Variants in WIF1 observed in about 807,000 individuals in gnomAD.
WIF1 encodes the protein Wnt inhibitory factor 1.
In WIF1, 35 loss-of-function variants were observed where a neutral mutation model predicts 53.5. That is an observed-to-expected ratio of 0.65 (90% CI 0.50 to 0.87). The LOEUF (loss-of-function observed/expected upper bound fraction) is 0.87. Among genes scored for constraint, WIF1 ranks in the 40% least tolerant of loss-of-function variants. WIF1 has a pLI of 0.00. For missense variants in WIF1, 467 were observed against 476.8 expected, an observed-to-expected ratio of 0.98 and a Z score of 0.19; for synonymous variants, 171 against 170.4, an observed-to-expected ratio of 1.00 and a Z score of -0.03.
intron 4 of WIF1, 119 bp from the exon 5 acceptor site, chr12:65,067,909 A>G (rs1882712654): frequency 1.3e-6 from 1 of 765,898 alleles, no homozygotes; most frequent in Non-Finnish European, 2.1e-6. Context: ...ATCATAATTG[A>G]TCAAATACCA....
At chr12:65,072,233 T>C (rs1434088480) in intron 3 of WIF1, among the ~76,000 whole-genome samples, 1 of 152,174 alleles carries the variant, frequency 6.6e-6, no homozygotes, top group Non-Finnish European at 1.5e-5. Flanking sequence ...CACAATTTCC[T>C]TACTGCACAC....
At chr12:65,116,963 T>G (rs7132987) in intron 2 of WIF1, among the ~76,000 whole-genome samples, 22,248 of 137,074 alleles carry the variant, frequency 0.16, 2,491 homozygotes, top group African/African-American at 0.31. Context: ...AAAAAAAAAT[T>G]GTCTTCCGTG....
At chr12:65,095,278 G>A (rs1036148201) in intron 2 of WIF1, among the ~76,000 whole-genome samples, 4 of 151,914 alleles carry the variant, frequency 2.6e-5, no homozygotes, top group African/African-American at 9.7e-5. Flanking sequence ...TTTGAAAGTT[G>A]CCAAAGCCAC....
rs867815799 is a variant in WIF1 at position 65,101,972 on chromosome 12, A to T, written c.288+18445T>A. Among the ~76,000 whole-genome samples the T allele has an allele frequency of 4.6e-5, 7 of 152,200 alleles. No individual in the cohort carries two copies. In the South Asian group the frequency reaches 1.4e-3, roughly 32 times the overall value. ...CTAGCACTAACAGCTCATTTATATAAAGGGAAGAAAAGACCCTACTTTTTC... is the reference window on the plus strand; with the variant it reads ...CTAGCACTAACAGCTCATTTATATATAGGGAAGAAAAGACCCTACTTTTTC... On this transcript the variant is annotated intron_variant, in intron 2 of 9. Transcript: ENST00000286574.
At chr12:65,096,965 C>A (rs1320581716) in intron 2 of WIF1, among the ~76,000 whole-genome samples, 1 of 149,662 alleles carries the variant, frequency 6.7e-6, no homozygotes, top group Non-Finnish European at 1.5e-5. Flanking sequence ...ACCACCATGG[C>A]ACATGTATAC....
chr12:65,099,084 G>A (rs1445683628), intron 2 of WIF1, among the ~76,000 whole-genome samples: 2 of 152,224 alleles, frequency 1.3e-5, no homozygotes, highest in African/African-American at 2.4e-5. Flanking sequence ...TTATGGACTC[G>A]ATATAGACTT....
chr12:65,114,821 C>A (rs1883485086), intron 2 of WIF1, among the ~76,000 whole-genome samples: 1 of 152,240 alleles, frequency 6.6e-6, no homozygotes, highest in African/African-American at 2.4e-5. Flanking sequence ...TTCTCCTGTT[C>A]TTTTCCTGTA....
Position 65,064,681 on chromosome 12 carries a change from G to A in WIF1, c.730+1960C>T, listed in dbSNP as rs897560117. On this transcript the variant is annotated intron_variant, in intron 6 of 9. Coordinates refer to ENST00000286574, the MANE Select transcript of WIF1 (RefSeq NM_007191.5). ...AATAAAAAAATTACTGGAGTCTGATGAGTAGGAAAATCTTTCATTTGAAAG... is the reference window on the plus strand; with the variant it reads ...AATAAAAAAATTACTGGAGTCTGATAAGTAGGAAAATCTTTCATTTGAAAG... Among the ~76,000 whole-genome samples, 8 of 152,202 alleles carry A rather than the reference G, an allele frequency of 5.3e-5. 2 individuals are homozygous for A. The Middle Eastern group carries it at 0.01, about 194-fold the overall frequency.
intron 9 of WIF1, among the ~76,000 whole-genome samples, chr12:65,051,964 C>T (rs182899037): frequency 2.5e-4 from 38 of 152,250 alleles, no homozygotes; most frequent in Middle Eastern, 3.4e-3. Flanking sequence ...TAAGAACTTC[C>T]ATTATATGTG....
At chr12:65,094,901 C>CTTAT (rs71096024) in intron 2 of WIF1, among the ~76,000 whole-genome samples, 19,132 of 134,056 alleles carry the variant, frequency 0.14, 1,507 homozygotes, top group Middle Eastern at 0.2. Flanking sequence ...TCCTCTTCTT[C>CTTAT]TTATTTATTT....
At chr12:65,087,104 C>T (rs531227221) in intron 2 of WIF1, among the ~76,000 whole-genome samples, 4 of 152,258 alleles carry the variant, frequency 2.6e-5, no homozygotes, top group Middle Eastern at 3.4e-3. Context: ...GAGCCAAGAT[C>T]GCACCACTGC....
rs1428244398 is a variant in WIF1, at chr12:65,051,321, T to A, written c.*28A>T. On this transcript the variant is annotated 3_prime_UTR_variant, in exon 10 of 10. Transcript: ENST00000286574. ...GTTAACAAAGGCTATGAACTTGGTG[T>A]AACTTAAAACGTTTCAGATGTCGGA... 3 of 1,604,772 alleles carry A rather than the reference T, an allele frequency of 1.9e-6. No individual in the cohort carries two copies. In the East Asian group the frequency reaches 6.7e-5, roughly 36 times the overall value.
chr12:65,062,720 T>TA, intron 6 of WIF1, 144 bp from the exon 7 acceptor site: 1 of 746,452 alleles, frequency 1.3e-6, no homozygotes, highest in South Asian at 1.9e-5. Context: ...GCTTTACAAA[T>TA]ACAAAATTTG....
At position 65,077,766 on chromosome 12, in the gene WIF1, G is replaced by A; in HGVS notation, c.377C>T (p.Thr126Ile). 1 of 1,613,626 alleles carries A rather than the reference G, an allele frequency of 6.2e-7. No homozygotes were observed. Among genetic ancestry groups the A allele is most frequent in the Non-Finnish European group, 8.5e-7 (1 of 1,179,682 alleles). The change falls in exon 3 of 10, where the codon ACA becomes ATA. Residue 126 changes from threonine to isoleucine, a missense_variant. By Grantham distance (89) the Thr-to-Ile change is moderately conservative (BLOSUM62 -1). Transcript: ENST00000286574. ...DPTVNVPLLG[T>I]VPHKASVVQV... Reference sequence around the variant, plus strand: ...CCCACCTGATGCCTTGTGAGGCACTGTTCCCAGCAGAGGGACATTGACGGT... The same window carrying A: ...CCCACCTGATGCCTTGTGAGGCACTATTCCCAGCAGAGGGACATTGACGGT...
At chr12:65,055,507 C>T (rs1392267110) in intron 8 of WIF1, among the ~76,000 whole-genome samples, 1 of 152,232 alleles carries the variant, frequency 6.6e-6, no homozygotes, top group African/African-American at 2.4e-5. Flanking sequence ...CATGATGGCT[C>T]ATGCCTGTAA....
chr12:65,119,576 G>C (rs1566321), intron 2 of WIF1, among the ~76,000 whole-genome samples: 3 of 151,674 alleles, frequency 2.0e-5, no homozygotes, highest in Non-Finnish European at 2.9e-5. Context: ...ATAAAAGACC[G>C]AAAAATGTGG....
chr12:65,053,777 A>G (rs914168461), intron 9 of WIF1, among the ~76,000 whole-genome samples: 7 of 152,120 alleles, frequency 4.6e-5, no homozygotes, highest in African/African-American at 9.7e-5. Context: ...AACAAATACA[A>G]TATGAACATT....
At chr12:65,120,368 C>T in intron 2 of WIF1, 49 bp downstream of exon 2, 1 of 1,581,850 alleles carries the variant, frequency 6.3e-7, no homozygotes, top group Non-Finnish European at 8.6e-7. Flanking sequence ...CTATTTCCAC[C>T]TGCCATAAGG....
intron 2 of WIF1, among the ~76,000 whole-genome samples, chr12:65,087,419 G>T (rs1034541683): frequency 6.6e-6 from 1 of 152,044 alleles, no homozygotes; most frequent in Non-Finnish European, 1.5e-5. Context: ...TACCTCCAGG[G>T]TTGTATATTT....
Sources: gnomAD v4.1 joint callset for allele counts (sites outside exome capture counted in the v4.1 genomes callset) on GRCh38, gnomAD v4.1.1 for gene constraint, MANE v1.5 for transcripts, NCBI Gene and HGNC (gene_info 2026-07-23, HGNC 2026-07-21) for gene names.